PICALM: variants seen among roughly 807,000 people sequenced by gnomAD.
PICALM encodes phosphatidylinositol-binding clathrin assembly protein.
Under a neutral mutation model 80.5 loss-of-function variants are expected in PICALM, and 40 were observed. The ratio of observed to expected loss-of-function variants is 0.50; its 90% CI spans 0.39 to 0.65. The LOEUF (loss-of-function observed/expected upper bound fraction) is 0.65, where lower values mean the gene tolerates loss of function less well. PICALM is among the 30% of genes least tolerant of loss of function. The pLI is 0.00. For missense variants in PICALM, 676 were observed against 778.9 expected (o/e 0.87, Z 1.57); for synonymous variants, 288 against 260.3 (o/e 1.11, Z -1.02).
intron 8 of PICALM, 21 bp downstream of exon 8, chr11:86,007,521 G>C: frequency 7.2e-7 from 1 of 1,388,604 alleles, no homozygotes; most frequent in Non-Finnish European, 1.0e-6. Context: ...TAGTGGATTG[G>C]TATTTTAACA....
chr11:85,993,518 A>C (rs1177255836), intron 12 of PICALM, among the ~76,000 whole-genome samples: 2 of 152,018 alleles, frequency 1.3e-5, no homozygotes, highest in African/African-American at 4.8e-5. Flanking sequence ...GGCTCACTGC[A>C]ACCTCTGCTT....
chr11:86,048,256 G>T (rs1156427795), intron 1 of PICALM, among the ~76,000 whole-genome samples: 2 of 152,148 alleles, frequency 1.3e-5, no homozygotes, highest in African/African-American at 2.4e-5. Flanking sequence ...TAATTTTTAA[G>T]TTAGTACCTA....
At chr11:86,039,992 T>C (rs1229831278) in intron 1 of PICALM, among the ~76,000 whole-genome samples, 1 of 123,192 alleles carries the variant, frequency 8.1e-6, no homozygotes. Context: ...CGACAGAGCA[T>C]GACGCCGTCT....
At chr11:85,973,572 T>C (rs2094177580) in intron 19 of PICALM, among the ~76,000 whole-genome samples, 1 of 152,188 alleles carries the variant, frequency 6.6e-6, no homozygotes, top group South Asian at 2.1e-4. Context: ...GAGGTATGTA[T>C]GTATAGCATA....
In PICALM at chr11:86,012,355, G is replaced by A. The variant is rs778042984; in HGVS notation, c.584C>T (p.Ala195Val). 6.2e-7 allele frequency: 1 copy of A among 1,609,952 alleles called. No homozygotes were observed. Among genetic ancestry groups the A allele is most frequent in the Non-Finnish European group, 8.5e-7 (1 of 1,176,978 alleles). Residue 195 changes from alanine (A) to valine (V), a missense_variant, in exon 6 of 20, where the codon GCT becomes GTT. Transcript: ENST00000393346. ...ATCTTTGAACAGGAGCATGAAGGCAGCATTTATTACCCCATTTGTAAGTTC... is the reference window on the plus strand; with the variant it reads ...ATCTTTGAACAGGAGCATGAAGGCAACATTTATTACCCCATTTGTAAGTTC... ...SNELTNGVIN[A>V]AFMLLFKDAI...
Position 86,049,604 on chromosome 11 carries a change from G to A in PICALM, c.131-17993C>T, listed in dbSNP as rs1355508196. Among the ~76,000 whole-genome samples, 4 of 151,476 alleles carry A rather than the reference G, an allele frequency of 2.6e-5. No individual in the cohort carries two copies. In the East Asian group the frequency reaches 7.9e-4, roughly 30 times the overall value. On this transcript the variant is annotated intron_variant, in intron 1 of 19. Coordinates refer to ENST00000393346, the MANE Select transcript of PICALM (RefSeq NM_007166.4). Reference sequence around the variant, plus strand: ...GTCTCACTCTGTCACCCAGGCTGGAGTGCAGTGGCGCAATCTCGGGGTTTC... The same window carrying A: ...GTCTCACTCTGTCACCCAGGCTGGAATGCAGTGGCGCAATCTCGGGGTTTC...
intron 17 of PICALM, among the ~76,000 whole-genome samples, chr11:85,979,961 T>C (rs2094394206): frequency 6.6e-6 from 1 of 152,184 alleles, no homozygotes. Context: ...CTACCATACC[T>C]TACAGTAATT....
chr11:86,047,857 T>G (rs1023244118), intron 1 of PICALM, among the ~76,000 whole-genome samples: 1 of 152,152 alleles, frequency 6.6e-6, no homozygotes, highest in African/African-American at 2.4e-5. Flanking sequence ...ACCAGCACTT[T>G]GGGAGGCTGA....
chr11:85,997,493 CAG>C (rs990688850), intron 11 of PICALM, among the ~76,000 whole-genome samples: 2 of 152,146 alleles, frequency 1.3e-5, no homozygotes, highest in Non-Finnish European at 2.9e-5. Flanking sequence ...TTTTTTGAGA[CAG>C]AGTCTCGCTC....
At chr11:85,975,169 C>T (rs1399619646) in intron 18 of PICALM, among the ~76,000 whole-genome samples, 3 of 152,264 alleles carry the variant, frequency 2.0e-5, no homozygotes, top group Non-Finnish European at 4.4e-5. Flanking sequence ...ACTCTGTCTT[C>T]GCTGCTAAGA....
intron 12 of PICALM, among the ~76,000 whole-genome samples, chr11:85,993,718 C>T (rs2094868648): frequency 6.6e-6 from 1 of 151,872 alleles, no homozygotes; most frequent in South Asian, 2.1e-4. Context: ...GGATTACAGG[C>T]GTGAGCCACC....
chr11:85,998,791 A>C (rs1407262949), intron 11 of PICALM, among the ~76,000 whole-genome samples: 1 of 151,986 alleles, frequency 6.6e-6, no homozygotes, highest in East Asian at 1.9e-4. Flanking sequence ...AGAGAGAGAG[A>C]GATTGAGAGA....
In PICALM at chr11:86,065,353, G is replaced by GA. The variant is rs369883054; in HGVS notation, c.130+3297dup. Among the ~76,000 whole-genome samples, 450 of 151,948 alleles carry GA rather than the reference G, an allele frequency of 3.0e-3. 2 individuals carry two copies. The highest frequency in any genetic ancestry group is 0.01 in the African/African-American group (432 of 41,404). On this transcript the variant is annotated intron_variant, in intron 1 of 19. Coordinates refer to ENST00000393346, the MANE Select transcript of PICALM (RefSeq NM_007166.4). ...CACAGCTACTCAAGAGGCTGAGGCA[G>GA]AATCTCTTGAACCTGGGAGGCAGAG...
intron 1 of PICALM, among the ~76,000 whole-genome samples, chr11:86,067,748 G>A (rs920758261): frequency 6.6e-6 from 1 of 151,274 alleles, no homozygotes; most frequent in Non-Finnish European, 1.5e-5. Flanking sequence ...CTGAATTCAA[G>A]CCGCCAGAAT....
chr11:86,038,765 A>T (rs1349598142), intron 1 of PICALM, among the ~76,000 whole-genome samples: 1 of 150,948 alleles, frequency 6.6e-6, no homozygotes, highest in African/African-American at 2.5e-5. Context: ...CGACAGAGCG[A>T]GACTCCATCT....
chr11:86,058,070 G>C (rs751362412), intron 1 of PICALM, among the ~76,000 whole-genome samples: 3 of 152,152 alleles, frequency 2.0e-5, no homozygotes, highest in Non-Finnish European at 4.4e-5. Flanking sequence ...ATATTAAAAA[G>C]ACTTGCCAAT....
chr11:86,022,377 C>CT lies in PICALM; in HGVS notation c.441dup (p.Val148SerfsTer6). ...AAAAGCTTAACTCACCCTCTCTTCACTTTTGTGAAATCAAATGCAACTTGT... is the reference window on the plus strand; with the variant it reads ...AAAAGCTTAACTCACCCTCTCTTCACTTTTTGTGAAATCAAATGCAACTTGT... On this transcript the variant is annotated frameshift_variant, in exon 4 of 20. Coordinates refer to ENST00000393346, the MANE Select transcript of PICALM (RefSeq NM_007166.4). LOFTEE classifies it high-confidence loss of function. 6.4e-7 allele frequency: 1 copy of CT among 1,568,986 alleles called. No homozygotes were observed.
At chr11:86,036,713 C>T (rs894307955) in intron 1 of PICALM, among the ~76,000 whole-genome samples, 5 of 151,888 alleles carry the variant, frequency 3.3e-5, no homozygotes, top group African/African-American at 1.2e-4. Flanking sequence ...ATGCATGGCA[C>T]AAAAAATAAA....
chr11:86,018,870 T>C (rs879326278), intron 4 of PICALM, among the ~76,000 whole-genome samples: 13 of 146,850 alleles, frequency 8.9e-5, no homozygotes, highest in Admixed American at 3.5e-4. Context: ...GCCTGGGTGA[T>C]AGAGCCAGAC....
Sources: allele counts gnomAD v4.1 joint callset (sites outside exome capture counted in the v4.1 genomes callset), GRCh38; gene constraint gnomAD v4.1.1; transcripts MANE v1.5; gene names NCBI Gene and HGNC (gene_info 2026-07-23, HGNC 2026-07-21).